FUT8: variants seen among roughly 807,000 people sequenced by gnomAD.
FUT8 encodes fucosyltransferase 8, also known as alpha-(1,6)-fucosyltransferase.
FUT8 carries 29 observed loss-of-function variants against 71.3 expected under a neutral mutation model. The observed-to-expected ratio is 0.41, with a 90% CI of 0.30 to 0.55. The LOEUF (loss-of-function observed/expected upper bound fraction) is 0.55, where lower values mean the gene tolerates loss of function less well. FUT8 is among the 20% of genes least tolerant of loss of function. The pLI is 0.34. For missense variants in FUT8, 544 were observed against 702.1 expected, an observed-to-expected ratio of 0.77 and a Z score of 2.55; for synonymous variants, 254 against 239.3, an observed-to-expected ratio of 1.06 and a Z score of -0.57.
chr14:65,559,953 A>C (rs974471130), intron 2 of FUT8, among the ~76,000 whole-genome samples: 2 of 152,152 alleles, frequency 1.3e-5, no homozygotes, highest in Non-Finnish European at 1.5e-5. Context: ...AGTTCTCAGC[A>C]AGTACAATTC....
intron 2 of FUT8, among the ~76,000 whole-genome samples, chr14:65,464,199 T>A (rs975502634): frequency 6.6e-6 from 1 of 152,074 alleles, no homozygotes; most frequent in African/African-American, 2.4e-5. Context: ...CTCCCCCTTT[T>A]ATCTTACAAT....
chr14:65,382,484 C>T, the FUT8 span, among the ~76,000 whole-genome samples: 1 of 152,142 alleles, frequency 6.6e-6, no homozygotes, highest in Non-Finnish European at 1.5e-5. Flanking sequence ...TATAGGCACA[C>T]ACCACCAGGC....
the FUT8 span, among the ~76,000 whole-genome samples, chr14:65,376,985 A>G: frequency 6.6e-6 from 1 of 152,260 alleles, no homozygotes; most frequent in African/African-American, 2.4e-5. Flanking sequence ...GTTCATTTTA[A>G]TTGTTTTGAT....
intron 1 of FUT8, among the ~76,000 whole-genome samples, chr14:65,418,380 A>C (rs947705054): frequency 1.3e-5 from 2 of 152,224 alleles, no homozygotes; most frequent in African/African-American, 4.8e-5. Context: ...GAGATATCAA[A>C]TTCTAATAAT....
At chr14:65,477,259 G>A (rs1299561531) in intron 2 of FUT8, among the ~76,000 whole-genome samples, 1 of 152,174 alleles carries the variant, frequency 6.6e-6, no homozygotes, top group African/African-American at 2.4e-5. Flanking sequence ...GATAAAAAAT[G>A]CAGAGTCTTT....
rs181340099 is a variant in FUT8 at position 65,643,190 on chromosome 14, A to C, written c.597+13584A>C. Among the ~76,000 whole-genome samples, 815 of 152,336 alleles carry C rather than the reference A, an allele frequency of 5.4e-3. 5 individuals carry two copies. The highest frequency in any genetic ancestry group is 8.5e-3 in the Non-Finnish European group (580 of 68,026). On this transcript the variant is annotated intron_variant, in intron 6 of 10. Coordinates refer to ENST00000673929, the MANE Select transcript of FUT8 (RefSeq NM_001371533.1). This position sits in a 1 kb window ranked among gnomAD's most constrained non-coding sequence, Gnocchi z 4.5. Reference sequence around the variant, plus strand: ...TGAAGGAATTTTTTTAATTCCTGAGAGTACACTCACTAAGCTGACAGCATT... The same window carrying C: ...TGAAGGAATTTTTTTAATTCCTGAGCGTACACTCACTAAGCTGACAGCATT...
intron 1 of FUT8, among the ~76,000 whole-genome samples, chr14:65,450,298 T>A (rs1375206204): frequency 6.6e-6 from 1 of 152,188 alleles, no homozygotes; most frequent in Non-Finnish European, 1.5e-5. Flanking sequence ...ATTTTATACT[T>A]CTTTATTTTA....
chr14:65,565,545 A>G (rs1370392922), intron 3 of FUT8, among the ~76,000 whole-genome samples: 1 of 151,938 alleles, frequency 6.6e-6, no homozygotes. Flanking sequence ...CTGCTGGGTC[A>G]TATGTTAACT....
At chr14:65,728,334 C>T (rs1191772866) in intron 9 of FUT8, among the ~76,000 whole-genome samples, 1 of 152,208 alleles carries the variant, frequency 6.6e-6, no homozygotes, top group East Asian at 1.9e-4. Flanking sequence ...ACTTACAGTT[C>T]CACATAGCTG....
intron 5 of FUT8, among the ~76,000 whole-genome samples, chr14:65,619,619 T>C (rs1889494675): frequency 1.3e-5 from 2 of 152,188 alleles, no homozygotes; most frequent in African/African-American, 2.4e-5. Context: ...ATTAGTAATA[T>C]TCTTGGGCTT....
chr14:65,554,284 A>T (rs1046286402), intron 2 of FUT8, among the ~76,000 whole-genome samples: 6 of 151,612 alleles, frequency 4.0e-5, no homozygotes, highest in African/African-American at 1.4e-4. Context: ...CATATTTACC[A>T]TGAGATCCTT....
At chr14:65,504,215 A>C (rs897561758) in intron 2 of FUT8, among the ~76,000 whole-genome samples, 7 of 152,210 alleles carry the variant, frequency 4.6e-5, no homozygotes, top group African/African-American at 1.4e-4. Context: ...GTATGGATTA[A>C]AAATTTTTTT....
At chr14:65,645,063 A>G (rs868058174) in intron 6 of FUT8, among the ~76,000 whole-genome samples, 1 of 152,218 alleles carries the variant, frequency 6.6e-6, no homozygotes, top group Non-Finnish European at 1.5e-5. Flanking sequence ...CAAGAAGGCA[A>G]AAAGCCACCT....
At chr14:65,554,433 T>TTA (rs34853473) in intron 2 of FUT8, among the ~76,000 whole-genome samples, 69,699 of 143,228 alleles carry the variant, frequency 0.49, 17,231 homozygotes, top group Non-Finnish European at 0.54. Context: ...TATATATATA[T>TTA]TATATATATA....
the FUT8 span, among the ~76,000 whole-genome samples, chr14:65,374,504 G>T: frequency 6.6e-6 from 1 of 151,984 alleles, no homozygotes; most frequent in Non-Finnish European, 1.5e-5. Context: ...TCCATACTTG[G>T]TATTTTGGCA....
At chr14:65,364,841 C>T in the FUT8 span, among the ~76,000 whole-genome samples, 1 of 152,106 alleles carries the variant, frequency 6.6e-6, no homozygotes, top group African/African-American at 2.4e-5. Context: ...TTAATGATCC[C>T]ATTAACTTCA....
At chr14:65,387,961 G>A in the FUT8 span, among the ~76,000 whole-genome samples, 1 of 152,168 alleles carries the variant, frequency 6.6e-6, no homozygotes, top group Non-Finnish European at 1.5e-5. Context: ...AGAAGCCAGA[G>A]TATGATCATG....
chr14:65,518,967 A>G (rs1243357309), intron 2 of FUT8, among the ~76,000 whole-genome samples: 1 of 152,238 alleles, frequency 6.6e-6, no homozygotes, highest in African/African-American at 2.4e-5. Flanking sequence ...AAGGATGGCC[A>G]TCTATTCATT....
intron 2 of FUT8, chr14:65,458,146 C>T (rs1336876563): frequency 6.7e-6 from 1 of 148,260 alleles, no homozygotes; most frequent in Admixed American, 6.7e-5. Context: ...CCTGCCACTG[C>T]ACTCCAGCCT....
Sources: gnomAD v4.1 joint callset for allele counts (sites outside exome capture counted in the v4.1 genomes callset) on GRCh38, gnomAD v4.1.1 for gene constraint, Gnocchi (gnomAD v3.1) non-coding constraint, MANE v1.5 for transcripts, NCBI Gene and HGNC (gene_info 2026-07-23, HGNC 2026-07-21) for gene names.